The following KDM4C variants were observed in gnomAD, a reference collection of about 807,000 sequenced individuals.
KDM4C encodes the protein lysine-specific demethylase 4C.
KDM4C carries 81 observed loss-of-function variants against 129.3 expected under a neutral mutation model. The observed-to-expected ratio is 0.63, with a 90% CI of 0.52 to 0.75. The LOEUF is 0.75. Ranked by LOEUF, KDM4C falls within the 30% of genes least tolerant of loss-of-function variation. KDM4C has a pLI of 0.00. For synonymous variants in KDM4C, 573 were observed against 456.1 expected, an observed-to-expected ratio of 1.26 and a Z score of -3.26; for missense variants, 1,457 against 1,304.0, an observed-to-expected ratio of 1.12 and a Z score of -1.81.
chr9:6,843,681 T>C (rs770361270), intron 4 of KDM4C, among the ~76,000 whole-genome samples: 1 of 152,206 alleles, frequency 6.6e-6, no homozygotes. Flanking sequence ...TGGAGAACTT[T>C]TGATTCCAGT....
chr9:6,969,551 A>G (rs1589380847), intron 8 of KDM4C, among the ~76,000 whole-genome samples: 1 of 152,152 alleles, frequency 6.6e-6, no homozygotes, highest in Admixed American at 6.5e-5. Flanking sequence ...TGATTGTCTT[A>G]TTCGTTTAAC....
At chr9:6,930,601 T>C (rs1471917418) in intron 8 of KDM4C, among the ~76,000 whole-genome samples, 2 of 137,662 alleles carry the variant, frequency 1.5e-5, no homozygotes. Flanking sequence ...CATATGTATA[T>C]AATAAAACAT....
At position 6,964,233 on chromosome 9, in the gene KDM4C, TC is replaced by T. The variant is rs1470441659; in HGVS notation, c.922-16686del. On this transcript the variant is annotated intron_variant, in intron 8 of 21. Transcript: ENST00000381309. ...TAGGTATATCTTCTATTGCTATCCC[TC>T]CCCCCTCCCCTGACCCCCCAACAGG... 4.2e-5 allele frequency among the ~76,000 whole-genome samples: 6 copies of T among 141,558 alleles called. No individual in the cohort carries two copies. The South Asian group carries it at 1.5e-3, about 36-fold the overall frequency. The allele number at this position is 141,558 out of a possible 152,430, so 92.9% of individuals were successfully genotyped here. A position where few individuals can be genotyped will look rare whatever the true frequency, so the allele number is the denominator to read the frequency against.
chr9:6,860,244 C>G (rs1840678975), intron 5 of KDM4C, among the ~76,000 whole-genome samples: 1 of 152,088 alleles, frequency 6.6e-6, no homozygotes, highest in Middle Eastern at 3.2e-3. Context: ...TGAACCAACA[C>G]CGTTTGTTTG....
chr9:6,947,205 CTTCTG>C (rs1302878884), intron 8 of KDM4C, among the ~76,000 whole-genome samples: 4 of 152,110 alleles, frequency 2.6e-5, no homozygotes, highest in Non-Finnish European at 5.9e-5. Context: ...TACAACCGTA[CTTCTG>C]TTCTGATTTT....
chr9:6,807,570 C>G (rs1225585599), intron 3 of KDM4C, among the ~76,000 whole-genome samples: 1 of 149,624 alleles, frequency 6.7e-6, no homozygotes, highest in Non-Finnish European at 1.5e-5. Flanking sequence ...TCTGCCCGGC[C>G]GAGACCCCGT....
intron 4 of KDM4C, among the ~76,000 whole-genome samples, chr9:6,820,235 G>C (rs778024603): frequency 6.6e-6 from 1 of 152,150 alleles, no homozygotes; most frequent in Non-Finnish European, 1.5e-5. Context: ...GAGTGGGGAC[G>C]ACATCTGAAC....
chr9:6,756,948 G>C (rs980325543), upstream of KDM4C, among the ~76,000 whole-genome samples: 1 of 152,130 alleles, frequency 6.6e-6, no homozygotes, highest in African/African-American at 2.4e-5. Context: ...GCCCAACTTT[G>C]CTCACTGGTG....
chr9:6,887,921 A>G, intron 6 of KDM4C, 39 bp from the exon 7 acceptor site: 1 of 1,174,482 alleles, frequency 8.5e-7, no homozygotes, highest in South Asian at 1.2e-5. Context: ...TTTTCTCTTA[A>G]TCGACACAGT....
At position 6,955,173 on chromosome 9, in the gene KDM4C, C is replaced by G. The variant is rs1828851911; in HGVS notation, c.922-25752C>G. ...CTAGAGCCAAGATCTGAATGCCTCT[C>G]TATATTTTAGCAGAAATTCTTCTAC... On this transcript the variant is annotated intron_variant, in intron 8 of 21. Coordinates refer to ENST00000381309, the MANE Select transcript of KDM4C (RefSeq NM_015061.6). Among the ~76,000 whole-genome samples the G allele has an allele frequency of 2.0e-5, 3 of 152,262 alleles. 1 individual carries two copies. The South Asian group carries it at 6.2e-4, about 32-fold the overall frequency.
chr9:7,002,091 C>G (rs1820833473), intron 12 of KDM4C, among the ~76,000 whole-genome samples: 1 of 152,100 alleles, frequency 6.6e-6, no homozygotes, highest in Non-Finnish European at 1.5e-5. Context: ...CAGGGTTTCT[C>G]CATGTTGGCC....
chr9:6,822,393 T>A (rs1022807980), intron 4 of KDM4C, among the ~76,000 whole-genome samples: 4 of 152,226 alleles, frequency 2.6e-5, no homozygotes, highest in Admixed American at 6.5e-5. Flanking sequence ...TAAATAAAAT[T>A]GGAATGTTCT....
chr9:7,128,770 C>CTGTGTG (rs111822868), intron 19 of KDM4C, among the ~76,000 whole-genome samples: 1 of 151,478 alleles, frequency 6.6e-6, no homozygotes, highest in Non-Finnish European at 1.5e-5. Flanking sequence ...GACTAGAACT[C>CTGTGTG]TGTGTGTGTG....
intron 1 of KDM4C, among the ~76,000 whole-genome samples, chr9:6,789,784 G>A (rs10283675): frequency 0.18 from 27,684 of 152,000 alleles, 2,636 homozygotes; most frequent in African/African-American, 0.22. Flanking sequence ...AGGTAGGAAT[G>A]TAGCCTGGAA....
intron 1 of KDM4C, among the ~76,000 whole-genome samples, chr9:6,752,332 CAAAAAAA>C (rs1159747148): frequency 4.5e-3 from 87 of 19,254 alleles, no homozygotes; most frequent in African/African-American, 0.012. Context: ...AACTCCGTCT[CAAAAAAA>C]AAAAAAAAAA....
At chr9:7,046,748 T>A in intron 15 of KDM4C, 114 bp from the exon 16 acceptor site, 1 of 802,234 alleles carries the variant, frequency 1.2e-6, no homozygotes, top group South Asian at 1.5e-5. Context: ...ATGTAATTCC[T>A]GATGGTTTTA....
chr9:7,040,357 C>G (rs555119270), intron 15 of KDM4C, among the ~76,000 whole-genome samples: 63 of 120,352 alleles, frequency 5.2e-4, no homozygotes, highest in African/African-American at 1.8e-3. Context: ...TTCCCTCTCT[C>G]TCTACCCCAC....
rs777229496 is a variant in KDM4C, at chr9:7,011,767, A to G, written c.1856A>G (p.His619Arg). Residue 619 changes from histidine (H) to arginine (R), a missense_variant, in exon 13 of 22, where the codon CAC becomes CGC. Transcript: ENST00000381309. ...GAGTCTTGGGCGAAACCTCTCATCC[A>G]CCTTTGGCAGACGAAGTCCCCTAAC... is the stretch of plus-strand genomic sequence containing the variant. Reference protein sequence around the residue: ...ETESWAKPLIHLWQTKSPNFA... With the variant: ...ETESWAKPLIRLWQTKSPNFA... The G allele has an allele frequency of 1.2e-6, 2 of 1,614,118 alleles. No individual in the cohort carries two copies. Among genetic ancestry groups the G allele is most frequent in the Non-Finnish European group, 1.7e-6 (2 of 1,179,994 alleles).
At chr9:7,024,027 T>G (rs1283433070) in intron 15 of KDM4C, among the ~76,000 whole-genome samples, 1 of 152,242 alleles carries the variant, frequency 6.6e-6, no homozygotes, top group African/African-American at 2.4e-5. Context: ...TTTGAACGTT[T>G]GAAGACAAGT....
Sources: gnomAD v4.1 joint callset for allele counts (sites outside exome capture counted in the v4.1 genomes callset) on GRCh38, gnomAD v4.1.1 for gene constraint, MANE v1.5 for transcripts, NCBI Gene and HGNC (gene_info 2026-07-23, HGNC 2026-07-21) for gene names.